WNT3: variants seen among roughly 807,000 people sequenced by gnomAD.
WNT3 encodes the protein proto-oncogene Wnt-3.
WNT3 carries 7 observed loss-of-function variants against 34.2 expected under a neutral mutation model. That is an observed-to-expected ratio of 0.20 (90% CI 0.12 to 0.38). The LOEUF (loss-of-function observed/expected upper bound fraction) is 0.38, where lower values mean the gene tolerates loss of function less well. Ranked by LOEUF, WNT3 falls within the 10% of genes least tolerant of loss-of-function variation. The pLI is 1.00. For synonymous variants in WNT3, 212 were observed against 211.5 expected (o/e 1.00, Z -0.02); for missense variants, 267 against 499.8 (o/e 0.53, Z 4.44).
intron 1 of WNT3, among the ~76,000 whole-genome samples, chr17:46,779,164 G>A (rs1285734617): frequency 1.3e-5 from 2 of 151,094 alleles, no homozygotes; most frequent in Non-Finnish European, 2.9e-5. Context: ...GATTCTGGAG[G>A]AAAGGAATGA....
At chr17:46,810,024 G>C (rs1261836196) in intron 1 of WNT3, among the ~76,000 whole-genome samples, 1 of 37,218 alleles carries the variant, frequency 2.7e-5, no homozygotes. Flanking sequence ...TTTTTTTTTT[G>C]AGACAGAGTG....
intron 1 of WNT3, among the ~76,000 whole-genome samples, chr17:46,808,373 T>G (rs977927264): frequency 1.3e-5 from 2 of 152,226 alleles, no homozygotes; most frequent in Non-Finnish European, 2.9e-5. Flanking sequence ...GCATCAGCCT[T>G]TGAGTGGAAG....
At chr17:46,817,641 C>G (rs941324742) in intron 1 of WNT3, among the ~76,000 whole-genome samples, 2 of 147,034 alleles carry the variant, frequency 1.4e-5, no homozygotes, top group Non-Finnish European at 3.0e-5. Flanking sequence ...CAGCCCCCCC[C>G]AAGCACTGCT....
rs1311379065 is a variant in WNT3, at chr17:46,783,541, C to T, written c.81-9632G>A. Among the ~76,000 whole-genome samples the T allele has an allele frequency of 2.6e-5, 4 of 152,350 alleles. No individual in the cohort carries two copies. The East Asian group carries it at 7.7e-4, about 29-fold the overall frequency. ...CCAACAAGCATTTCTTGAGCACCTA[C>T]TAGGTCTGGGCACTGTGGGTGCCTT... On this transcript the variant is annotated intron_variant, in intron 1 of 4. Coordinates refer to ENST00000225512, the MANE Select transcript of WNT3 (RefSeq NM_030753.5).
intron 1 of WNT3, among the ~76,000 whole-genome samples, chr17:46,789,254 C>G (rs1010518317): frequency 6.6e-6 from 1 of 152,216 alleles, no homozygotes; most frequent in Non-Finnish European, 1.5e-5. Context: ...AGGGCTGGCA[C>G]CTACCTGGAC....
chr17:46,792,064 C>T (rs2146425208), intron 1 of WNT3, among the ~76,000 whole-genome samples: 1 of 152,314 alleles, frequency 6.6e-6, no homozygotes, highest in African/African-American at 2.4e-5. Flanking sequence ...GAAAACAACT[C>T]TCTCTTACAC....
At chr17:46,787,242 A>G (rs1390191538) in intron 1 of WNT3, among the ~76,000 whole-genome samples, 1 of 151,556 alleles carries the variant, frequency 6.6e-6, no homozygotes, top group African/African-American at 2.4e-5. Context: ...TGCCCAGCCA[A>G]TAAAGACCTG....
At chr17:46,806,289 G>A (rs148328178) in intron 1 of WNT3, among the ~76,000 whole-genome samples, 4,064 of 129,950 alleles carry the variant, frequency 0.031, 98 homozygotes, top group Middle Eastern at 0.12. Flanking sequence ...TCAGCTCACC[G>A]CAACTTCAGC....
intron 1 of WNT3, among the ~76,000 whole-genome samples, chr17:46,798,337 G>A (rs1233336237): frequency 1.3e-5 from 2 of 152,180 alleles, no homozygotes; most frequent in Non-Finnish European, 2.9e-5. Context: ...TGGACACGAC[G>A]GCCTAGTCAC....
In WNT3 at chr17:46,768,882, C is replaced by T. The variant is rs1353126293; in HGVS notation, c.589-83G>A. 5.1e-6 allele frequency: 8 copies of T among 1,553,758 alleles called. No individual in the cohort carries two copies. The highest frequency in any genetic ancestry group is 6.1e-6 in the Non-Finnish European group (7 of 1,153,114). The stretch of plus-strand genomic sequence containing the variant: ...GGCCTTCCCTCTCTGCCACTGCCCA[C>T]CCCCTTCCCTCCAGCCTTCTCTACT... On this transcript the variant is annotated intron_variant, in intron 3 of 4. Transcript: ENST00000225512. This position sits in a 1 kb window ranked among gnomAD's most constrained non-coding sequence, Gnocchi z 5.0.
chr17:46,786,592 G>A (rs894797759), intron 1 of WNT3, among the ~76,000 whole-genome samples: 4 of 152,238 alleles, frequency 2.6e-5, no homozygotes, highest in Non-Finnish European at 4.4e-5. Flanking sequence ...AGCTGGGTCC[G>A]TTTCTCCACT....
chr17:46,777,988 T>C (rs2059425972), intron 1 of WNT3, among the ~76,000 whole-genome samples: 1 of 152,198 alleles, frequency 6.6e-6, no homozygotes, highest in South Asian at 2.1e-4. Flanking sequence ...TAGCTGCTGA[T>C]CTCAGCAATT....
intron 1 of WNT3, among the ~76,000 whole-genome samples, chr17:46,813,111 T>C (rs768777085): frequency 7.2e-5 from 11 of 151,954 alleles, no homozygotes; most frequent in Non-Finnish European, 1.2e-4. Context: ...GCCAGCTCTT[T>C]GCGATTTAGG....
chr17:46,804,692 A>G (rs957249872), intron 1 of WNT3, among the ~76,000 whole-genome samples: 4 of 152,212 alleles, frequency 2.6e-5, no homozygotes, highest in African/African-American at 9.7e-5. Context: ...AAGGAATGAG[A>G]GATGAGGCCA....
chr17:46,783,439 C>T (rs1172872865), intron 1 of WNT3, among the ~76,000 whole-genome samples: 1 of 152,210 alleles, frequency 6.6e-6, no homozygotes, highest in Non-Finnish European at 1.5e-5. Context: ...GGCAGGGTTC[C>T]AGGTTCTGGG....
At chr17:46,773,641 C>CCA in intron 2 of WNT3, 27 bp downstream of exon 2, 2 of 519,236 alleles carry the variant, frequency 3.9e-6, no homozygotes, top group Non-Finnish European at 6.2e-6. Flanking sequence ...CCCAGCCCCT[C>CCA]CCCCCCCCTC....
chr17:46,769,730 G>A (rs1364303092), intron 3 of WNT3, 53 bp downstream of exon 3: 10 of 1,598,808 alleles, frequency 6.3e-6, no homozygotes, highest in East Asian at 2.2e-5. Context: ...CAGCTCCGGA[G>A]GGGAAGCGGG....
intron 1 of WNT3, among the ~76,000 whole-genome samples, chr17:46,775,365 T>C (rs1353679505): frequency 1.3e-5 from 2 of 152,140 alleles, no homozygotes; most frequent in Non-Finnish European, 2.9e-5. Context: ...CCTTGGCCAA[T>C]TCGTGGAGAC....
intron 1 of WNT3, among the ~76,000 whole-genome samples, chr17:46,793,016 G>A (rs1194415750): frequency 1.3e-5 from 2 of 151,800 alleles, no homozygotes; most frequent in African/African-American, 4.8e-5. Flanking sequence ...TGTAAACCCG[G>A]CACTTTGAAA....
Sources: gnomAD v4.1 joint callset for allele counts (sites outside exome capture counted in the v4.1 genomes callset) on GRCh38, gnomAD v4.1.1 for gene constraint, Gnocchi (gnomAD v3.1) non-coding constraint, MANE v1.5 for transcripts, NCBI Gene and HGNC (gene_info 2026-07-23, HGNC 2026-07-21) for gene names.